EDARADD: variants seen among roughly 807,000 people sequenced by gnomAD.
EDARADD encodes the protein EDAR associated via death domain.
In EDARADD, 20 loss-of-function variants were observed where a neutral mutation model predicts 25.6. That is an observed-to-expected ratio of 0.78 (90% CI 0.55 to 1.14). EDARADD has a LOEUF of 1.14. Among genes scored for constraint, EDARADD ranks in the 50% most tolerant of loss-of-function variants. The pLI, the probability that EDARADD is intolerant of heterozygous loss-of-function variation, is 0.00. For missense variants in EDARADD, 225 were observed against 270.1 expected (o/e 0.83, Z 1.17); for synonymous variants, 86 against 94.4 (o/e 0.91, Z 0.52).
chr1:236,462,429 G>A (rs1011349806), intron 4 of EDARADD, among the ~76,000 whole-genome samples: 8 of 151,796 alleles, frequency 5.3e-5, no homozygotes, highest in African/African-American at 1.9e-4. Context: ...CGGTGCAGGA[G>A]CTCAGTCCAA....
At chr1:236,384,037 G>C (rs190694778) in intron 3 of EDARADD, among the ~76,000 whole-genome samples, 1 of 152,240 alleles carries the variant, frequency 6.6e-6, no homozygotes, top group Admixed American at 6.5e-5. Context: ...ATATTTTTGA[G>C]TTTATATCGT....
intron 1 of EDARADD, 55 bp from the exon 2 acceptor site, chr1:236,409,161 T>C (rs1385967869): frequency 1.4e-5 from 19 of 1,339,226 alleles, no homozygotes; most frequent in Non-Finnish European, 1.8e-5. Flanking sequence ...GACTCATTTG[T>C]GGTTTTAAAT....
chr1:236,449,818 C>T (rs981367187), intron 4 of EDARADD, among the ~76,000 whole-genome samples: 2 of 152,078 alleles, frequency 1.3e-5, no homozygotes, highest in East Asian at 3.9e-4. Flanking sequence ...AAGTAATAGG[C>T]GGCTGGGCGC....
intron 3 of EDARADD, among the ~76,000 whole-genome samples, chr1:236,383,138 T>C (rs1044285591): frequency 2.6e-5 from 4 of 152,124 alleles, no homozygotes; most frequent in Non-Finnish European, 4.4e-5. Flanking sequence ...CTCACACCTG[T>C]AATTTCAGCA....
chr1:236,477,023 T>C (rs1436940783), intron 5 of EDARADD, among the ~76,000 whole-genome samples: 1 of 114,916 alleles, frequency 8.7e-6, no homozygotes, highest in Non-Finnish European at 1.8e-5. Context: ...ATAAACACAA[T>C]AATTACAGAA....
At position 236,395,750 on chromosome 1, in the gene EDARADD, A is replaced by T. The variant is rs1572126169; in HGVS notation, c.61+1245A>T. On this transcript the variant is annotated intron_variant, in intron 1 of 5. Coordinates refer to ENST00000334232, the MANE Select transcript of EDARADD (RefSeq NM_145861.4). This position sits in a 1 kb window ranked among gnomAD's most constrained non-coding sequence, Gnocchi z 6.9. ...GCTCGCAGCAGCCGCAGGGCTATCGAGGCCGGGCCTCGGCGACCCCCGAGG... is the reference window on the plus strand; with the variant it reads ...GCTCGCAGCAGCCGCAGGGCTATCGTGGCCGGGCCTCGGCGACCCCCGAGG... The T allele has an allele frequency of 6.8e-7, 1 of 1,473,294 alleles. No individual in the cohort carries two copies. The highest frequency in any genetic ancestry group is 9.0e-7 in the Non-Finnish European group (1 of 1,115,374). The allele number at this position is 1,473,294 out of a possible 1,614,324, so 91.3% of individuals were successfully genotyped here.
At chr1:236,441,263 CTT>C (rs1658388915) in intron 4 of EDARADD, among the ~76,000 whole-genome samples, 1 of 144,760 alleles carries the variant, frequency 6.9e-6, no homozygotes, top group African/African-American at 2.5e-5. Context: ...CCCTAACCCT[CTT>C]TATTTATATA....
At chr1:236,460,504 C>T (rs1571949431) in intron 4 of EDARADD, among the ~76,000 whole-genome samples, 1 of 152,136 alleles carries the variant, frequency 6.6e-6, no homozygotes, top group East Asian at 1.9e-4. Context: ...TTTCTAAAAG[C>T]CAGTTTCTGG....
intron 2 of EDARADD, among the ~76,000 whole-genome samples, chr1:236,412,848 T>G (rs1255663268): frequency 6.6e-6 from 1 of 152,200 alleles, no homozygotes; most frequent in Non-Finnish European, 1.5e-5. Flanking sequence ...TCTGAGGAAA[T>G]AGACAAGTAC....
rs35531700 is a variant in EDARADD, at chr1:236,478,359, A to ATGTGTGTGTGTGTGTGTG, written c.266-3898_266-3881dup. 1.7e-4 allele frequency among the ~76,000 whole-genome samples: 24 copies of ATGTGTGTGTGTGTGTGTG among 144,764 alleles called. 1 individual carries two copies. Among genetic ancestry groups the ATGTGTGTGTGTGTGTGTG allele is most frequent in the African/African-American group, 6.0e-4 (23 of 38,492 alleles). 95.0% of individuals were successfully genotyped at this position (144,764 alleles called of 152,430 possible). ...TAGTTTATCCAAAATCCATATATAT[A>ATGTGTGTGTGTGTGTGTG]TGTGTGTGTGTGTGTGTGTGTGTGT... On this transcript the variant is annotated intron_variant, in intron 5 of 5. Transcript: ENST00000334232.
At position 236,361,306 on chromosome 1, in the gene EDARADD, C is replaced by T. The variant is rs892921171; in HGVS notation, c.-6+10467C>T. On this transcript the variant is annotated intron_variant, in intron 3 of 7. Transcript: ENST00000439430. ...TCCTTGGTTTTGTTTTATATTTTAT[C>T]TTATTTTATTTTATATTTAATTTTA... 6.3e-3 allele frequency among the ~76,000 whole-genome samples: 944 copies of T among 150,864 alleles called. 11 individuals are homozygous for T. Among genetic ancestry groups the T allele is most frequent in the African/African-American group, 0.022 (885 of 40,974 alleles).
intron 4 of EDARADD, among the ~76,000 whole-genome samples, chr1:236,449,112 T>G (rs765970002): frequency 1.7e-4 from 26 of 152,156 alleles, no homozygotes; most frequent in Non-Finnish European, 3.7e-4. Flanking sequence ...TTTTTGGCAT[T>G]CCTTGGCTTG....
At chr1:236,351,708 CA>C (rs35576705) in intron 3 of EDARADD, among the ~76,000 whole-genome samples, 82,195 of 123,166 alleles carry the variant, frequency 0.67, 26,632 homozygotes, top group Non-Finnish European at 0.72. Flanking sequence ...GACTCTGTCT[CA>C]AAAAAAAAAA....
chr1:236,456,834 G>A (rs1658882300), intron 4 of EDARADD, among the ~76,000 whole-genome samples: 2 of 151,402 alleles, frequency 1.3e-5, no homozygotes, highest in Non-Finnish European at 2.9e-5. Flanking sequence ...CGGCCCTGCA[G>A]CCGTCCTGTG....
chr1:236,439,311 C>T (rs1226468492), intron 4 of EDARADD, among the ~76,000 whole-genome samples: 1 of 152,218 alleles, frequency 6.6e-6, no homozygotes, highest in Non-Finnish European at 1.5e-5. Flanking sequence ...CTGCTGTAAA[C>T]ATTCACGTGC....
At chr1:236,351,054 G>A (rs1258563798) in intron 3 of EDARADD, among the ~76,000 whole-genome samples, 1 of 152,066 alleles carries the variant, frequency 6.6e-6, no homozygotes, top group Non-Finnish European at 1.5e-5. Flanking sequence ...CAGGAGGATT[G>A]CTGGAGCCCA....
intron 4 of EDARADD, among the ~76,000 whole-genome samples, chr1:236,444,777 G>A (rs1414118662): frequency 6.6e-6 from 1 of 152,098 alleles, no homozygotes; most frequent in Non-Finnish European, 1.5e-5. Context: ...ACCTGATATG[G>A]GCAGTGCACT....
chr1:236,447,546 C>A (rs1463847819), intron 4 of EDARADD, among the ~76,000 whole-genome samples: 1 of 152,090 alleles, frequency 6.6e-6, no homozygotes, highest in African/African-American at 2.4e-5. Context: ...TTTGGATAAT[C>A]CCTGAGCCTG....
At chr1:236,421,983 G>T (rs1212625768) in intron 3 of EDARADD, among the ~76,000 whole-genome samples, 1 of 152,224 alleles carries the variant, frequency 6.6e-6, no homozygotes, top group Non-Finnish European at 1.5e-5. Flanking sequence ...CACATGGTGA[G>T]ATGGTCATCA....
Sources: allele counts gnomAD v4.1 joint callset (sites outside exome capture counted in the v4.1 genomes callset), GRCh38; gene constraint gnomAD v4.1.1; non-coding constraint Gnocchi (gnomAD v3.1); transcripts MANE v1.5; gene names NCBI Gene and HGNC (gene_info 2026-07-23, HGNC 2026-07-21).